ZNF254: variants seen among roughly 807,000 people sequenced by gnomAD.
ZNF254 encodes the protein zinc finger protein 254.
A neutral mutation model predicts 12.4 loss-of-function variants in ZNF254; 10 were observed. The observed-to-expected ratio is 0.80, with a 90% CI of 0.50 to 1.36. The LOEUF (loss-of-function observed/expected upper bound fraction) is 1.36. Ranked by LOEUF, ZNF254 falls within the 40% of genes most tolerant of loss-of-function variation. The pLI, the probability that ZNF254 is intolerant of heterozygous loss-of-function variation, is 0.00. For synonymous variants in ZNF254, 305 were observed against 253.4 expected (o/e 1.20, Z -1.93); for missense variants, 996 against 763.9 (o/e 1.30, Z -3.58).
At chr19:24,100,224 C>G (rs1345482169) in intron 1 of ZNF254, among the ~76,000 whole-genome samples, 2 of 152,076 alleles carry the variant, frequency 1.3e-5, no homozygotes, top group African/African-American at 4.8e-5. Context: ...GAAACCTAAT[C>G]AGAGTAACAG....
In ZNF254 at chr19:24,105,990, G is replaced by A. The variant is rs773966760; in HGVS notation, c.81G>A (p.Trp27Ter). ...CCATAGAATTCTCTCTGGAGGAGTG[G>A]CAACACCTGGACATTGCACAGCAGA... ...DVAIEFSLEE[W>*]QHLDIAQQNL... The change falls in exon 2 of 4, where the codon TGG becomes TGA. Residue 27 changes from tryptophan to a stop codon, truncating the protein, a stop_gained. Coordinates refer to ENST00000357002, the MANE Select transcript of ZNF254 (RefSeq NM_203282.4). LOFTEE classifies it high-confidence loss of function. 1.3e-5 allele frequency: 20 copies of A among 1,599,876 alleles called. No individual in the cohort carries two copies. Among genetic ancestry groups the A allele is most frequent in the African/African-American group, 4.0e-5 (3 of 74,592 alleles).
chr19:24,040,897 T>A (rs549117010), intron 1 of ZNF254, among the ~76,000 whole-genome samples: 4 of 152,360 alleles, frequency 2.6e-5, no homozygotes, highest in African/African-American at 9.6e-5. Flanking sequence ...TAAGGGACTC[T>A]GTGTGCTATA....
Position 24,127,572 on chromosome 19 carries a change from C to T in ZNF254, c.1572C>T (p.Gly524=), listed in dbSNP as rs150968914. The part of the protein sequence containing the change: ...GEKPYKCEEC[G]KAFNWSSTLT... Reference sequence around the variant, plus strand: ...AACCCTACAAATGTGAAGAATGTGGCAAAGCCTTTAACTGGTCCTCAACTC... The same window carrying T: ...AACCCTACAAATGTGAAGAATGTGGTAAAGCCTTTAACTGGTCCTCAACTC... Residue 524 remains glycine, a synonymous_variant, in exon 4 of 4, where the codon GGC becomes GGT. Transcript: ENST00000357002. The T allele has an allele frequency of 4.1e-5, 66 of 1,613,314 alleles. No individual in the cohort carries two copies. The highest frequency in any genetic ancestry group is 5.0e-5 in the Admixed American group (3 of 59,946).
In ZNF254 at chr19:24,126,235, AT is replaced by A; in HGVS notation, c.254-14del. The A allele has an allele frequency of 7.2e-7, 1 of 1,397,016 alleles. No individual in the cohort carries two copies. The highest frequency in any genetic ancestry group is 9.3e-7 in the Non-Finnish European group (1 of 1,070,508). 86.5% of individuals were successfully genotyped at this position (1,397,016 alleles called of 1,614,324 possible). On this transcript the variant is annotated intron_variant, in intron 3 of 3. Transcript: ENST00000357002. Reference sequence around the variant, plus strand: ...GTCTAGTAAGTGGAGTAATTTATTTATTTTTATTTTTTTTTCAGGTATGTGT... The same window carrying A: ...GTCTAGTAAGTGGAGTAATTTATTTATTTTATTTTTTTTTCAGGTATGTGT...
chr19:24,084,324 T>C (rs1012508656), upstream of ZNF254, among the ~76,000 whole-genome samples: 4 of 151,842 alleles, frequency 2.6e-5, no homozygotes, highest in East Asian at 1.9e-4. Flanking sequence ...AAATATTGTA[T>C]GTTCTCACTT....
chr19:24,086,606 A>C (rs1452089527), upstream of ZNF254, among the ~76,000 whole-genome samples: 1 of 151,946 alleles, frequency 6.6e-6, no homozygotes, highest in Non-Finnish European at 1.5e-5. Flanking sequence ...GCCTCCCGAG[A>C]AGCTGGTATT....
intron 2 of ZNF254, among the ~76,000 whole-genome samples, chr19:24,061,718 G>A (rs1971074592): frequency 6.6e-6 from 1 of 152,192 alleles, no homozygotes; most frequent in Non-Finnish European, 1.5e-5. Context: ...TCACAGGTTT[G>A]ATGGTGACTC....
intron 2 of ZNF254, among the ~76,000 whole-genome samples, chr19:24,077,322 C>T (rs1971693505): frequency 6.6e-6 from 1 of 152,168 alleles, no homozygotes; most frequent in African/African-American, 2.4e-5. Flanking sequence ...TCATCAGGAC[C>T]TCCTGAGGCT....
intron 1 of ZNF254, chr19:24,091,976 T>C (rs1972413694): frequency 5.0e-6 from 1 of 200,524 alleles, no homozygotes; most frequent in South Asian, 1.7e-4. Flanking sequence ...GTCTCCCGGG[T>C]TCACGCCGTT....
chr19:24,127,375 G>C lies in ZNF254; in HGVS notation c.1375G>C (p.Glu459Gln). Residue 459 changes from glutamate (E) to glutamine (Q), a missense_variant, in exon 4 of 4, where the codon GAG (glutamate) becomes CAG (glutamine). Glu to Gln is a conservative substitution (Grantham distance 29, BLOSUM62 2). Coordinates refer to ENST00000357002, the MANE Select transcript of ZNF254 (RefSeq NM_203282.4). ...TAAACATAAGAGAATTCATACTAGAGAGAAACCCTACAAATGTGAAGAATG... is the reference window on the plus strand; with the variant it reads ...TAAACATAAGAGAATTCATACTAGACAGAAACCCTACAAATGTGAAGAATG... ...LTKHKRIHTR[E>Q]KPYKCEECGK... The C allele has an allele frequency of 6.2e-7, 1 of 1,611,960 alleles. No homozygotes were observed. The highest frequency in any genetic ancestry group is 8.5e-7 in the Non-Finnish European group (1 of 1,178,640).
At chr19:24,072,241 G>A (rs1483063171) in intron 2 of ZNF254, among the ~76,000 whole-genome samples, 3 of 150,926 alleles carry the variant, frequency 2.0e-5, no homozygotes, top group East Asian at 2.0e-4. Flanking sequence ...GCATGATCTC[G>A]GCTCACTGCA....
chr19:24,118,139 G>A (rs1255689188), intron 3 of ZNF254, among the ~76,000 whole-genome samples: 2 of 149,600 alleles, frequency 1.3e-5, no homozygotes, highest in East Asian at 2.0e-4. Flanking sequence ...TGCAACCTCC[G>A]CCTCCCGGGT....
chr19:24,087,244 C>T lies in ZNF254; in HGVS notation c.-64C>T. The T allele has an allele frequency of 1.2e-6, 2 of 1,608,962 alleles. No individual in the cohort carries two copies. Among genetic ancestry groups the T allele is most frequent in the Non-Finnish European group, 1.7e-6 (2 of 1,176,262 alleles). ...GTCTGTCTTCACTGCTCTGTGTCCTCTGCTCCTAGAGGCCCAGCCTCTGTG... is the reference window on the plus strand; with the variant it reads ...GTCTGTCTTCACTGCTCTGTGTCCTTTGCTCCTAGAGGCCCAGCCTCTGTG... On this transcript the variant is annotated 5_prime_UTR_variant, in exon 1 of 4. Transcript: ENST00000357002.
intron 1 of ZNF254, among the ~76,000 whole-genome samples, chr19:24,045,332 A>G (rs1970336979): frequency 6.6e-6 from 1 of 152,048 alleles, no homozygotes; most frequent in East Asian, 1.9e-4. Context: ...CTTCTGTAAA[A>G]TTGCTTCAGC....
intron 3 of ZNF254, among the ~76,000 whole-genome samples, chr19:24,112,026 T>C (rs1279725627): frequency 6.7e-6 from 1 of 148,838 alleles, no homozygotes; most frequent in Non-Finnish European, 1.5e-5. Flanking sequence ...TCCTTGCCCA[T>C]GCCTATGTCC....
At chr19:24,056,962 G>GACAT (rs3084994) in intron 2 of ZNF254, among the ~76,000 whole-genome samples, 22,514 of 152,094 alleles carry the variant, frequency 0.15, 1,915 homozygotes, top group Middle Eastern at 0.23. Flanking sequence ...TGGAGATTGT[G>GACAT]ACATCTTTTT....
chr19:24,047,129 A>G (rs1289011613), intron 2 of ZNF254, among the ~76,000 whole-genome samples: 2 of 151,838 alleles, frequency 1.3e-5, no homozygotes, highest in African/African-American at 4.8e-5. Flanking sequence ...TCGGCTTCCC[A>G]AAGTGCTGGA....
chr19:24,082,877 G>C (rs1415736837), upstream of ZNF254, among the ~76,000 whole-genome samples: 1 of 151,706 alleles, frequency 6.6e-6, no homozygotes, highest in East Asian at 2.0e-4. Context: ...ACAGGAAAAA[G>C]TTGGAAACAT....
chr19:24,099,264 C>A (rs954862887), intron 1 of ZNF254, among the ~76,000 whole-genome samples: 1 of 151,624 alleles, frequency 6.6e-6, no homozygotes, highest in Non-Finnish European at 1.5e-5. Context: ...CTCAGCCTCC[C>A]AAAGTGCTAG....
Sources: gnomAD v4.1 joint callset for allele counts (sites outside exome capture counted in the v4.1 genomes callset) on GRCh38, gnomAD v4.1.1 for gene constraint, MANE v1.5 for transcripts, NCBI Gene and HGNC (gene_info 2026-07-23, HGNC 2026-07-21) for gene names.